The following CDH5 variants were observed in gnomAD, a reference collection of about 807,000 sequenced individuals.
CDH5 encodes cadherin-5.
Under a neutral mutation model 62.0 loss-of-function variants are expected in CDH5, and 28 were observed. That is an observed-to-expected ratio of 0.45 (90% CI 0.33 to 0.62). The LOEUF is 0.62. CDH5 is among the 20% of genes least tolerant of loss of function. The pLI, the probability that CDH5 is intolerant of heterozygous loss-of-function variation, is 0.02. For missense variants in CDH5, 940 were observed against 1,065.1 expected (o/e 0.88, Z 1.63); for synonymous variants, 464 against 445.8 (o/e 1.04, Z -0.52).
chr16:66,390,354 T>C (rs374313468), intron 5 of CDH5, 49 bp from the exon 6 acceptor site: 23 of 1,442,986 alleles, frequency 1.6e-5, no homozygotes, highest in Non-Finnish European at 2.2e-5. Flanking sequence ...GCAATCGCCT[T>C]GTCTATCTCA....
At chr16:66,368,755 G>A (rs1960632757) in intron 1 of CDH5, among the ~76,000 whole-genome samples, 1 of 152,206 alleles carries the variant, frequency 6.6e-6, no homozygotes, top group Non-Finnish European at 1.5e-5. Context: ...GAAGCAGGGT[G>A]AGTGCGGTTC....
chr16:66,390,287 T>A, intron 5 of CDH5, 116 bp from the exon 6 acceptor site: 1 of 753,368 alleles, frequency 1.3e-6, no homozygotes, highest in Non-Finnish European at 2.1e-6. Context: ...TTATTATTTA[T>A]GATTATTTTA....
chr16:66,390,388 C>A lies in CDH5; in HGVS notation c.782-15C>A. The A allele has an allele frequency of 1.9e-6, 3 of 1,602,650 alleles. No homozygotes were observed. The highest frequency in any genetic ancestry group is 2.6e-6 in the Non-Finnish European group (3 of 1,172,160). ...CATTAACCCAAAGCCCTTTGGGGTGCTCTGTTTGCATCAGCCAAGTACACA... is the reference window on the plus strand; with the variant it reads ...CATTAACCCAAAGCCCTTTGGGGTGATCTGTTTGCATCAGCCAAGTACACA... On this transcript the variant is annotated splice_polypyrimidine_tract_variant and intron_variant, in intron 5 of 11. Coordinates refer to ENST00000341529, the MANE Select transcript of CDH5 (RefSeq NM_001795.5).
In CDH5 at chr16:66,402,678, C is replaced by A; in HGVS notation, c.1864C>A (p.Arg622=). The change falls in exon 12 of 12, where the codon CGG becomes AGG. Residue 622 remains arginine (R), a synonymous_variant. Coordinates refer to ENST00000341529, the MANE Select transcript of CDH5 (RefSeq NM_001795.5). Reference sequence around the variant, plus strand: ...GATCACCCTGCTCATCTTCCTGCGGCGGCGGCTCCGGAAGCAGGCCCGCGC... The same window carrying A: ...GATCACCCTGCTCATCTTCCTGCGGAGGCGGCTCCGGAAGCAGGCCCGCGC... The part of the protein sequence containing the change: ...TVITLLIFLR[R]RLRKQARAHG... The A allele has an allele frequency of 6.2e-7, 1 of 1,602,438 alleles. No individual in the cohort carries two copies. Among genetic ancestry groups the A allele is most frequent in the South Asian group, 1.1e-5 (1 of 89,614 alleles).
intron 1 of CDH5, among the ~76,000 whole-genome samples, chr16:66,373,030 C>T (rs550932336): frequency 3.9e-5 from 6 of 152,084 alleles, no homozygotes; most frequent in Admixed American, 2.0e-4. Context: ...AGTTGCCAAG[C>T]GTGGCCCCTC....
chr16:66,400,033 G>A (rs890351957), intron 10 of CDH5, among the ~76,000 whole-genome samples: 4 of 152,170 alleles, frequency 2.6e-5, no homozygotes, highest in Non-Finnish European at 5.9e-5. Context: ...AACCTCCTGG[G>A]ACCCTGCAAA....
At chr16:66,379,652 G>A in intron 2 of CDH5, 105 bp downstream of exon 2, 2 of 966,190 alleles carry the variant, frequency 2.1e-6, no homozygotes, top group Non-Finnish European at 3.2e-6. Context: ...AGATATTGTG[G>A]TGGTTGTAGG....
intron 1 of CDH5, among the ~76,000 whole-genome samples, chr16:66,378,591 C>T (rs1327472136): frequency 3.9e-5 from 6 of 152,204 alleles, no homozygotes; most frequent in African/African-American, 1.4e-4. Context: ...GCCTCAGTTT[C>T]CTCATTTGAA....
At chr16:66,384,317 C>T (rs1000278513) in intron 2 of CDH5, among the ~76,000 whole-genome samples, 1 of 150,888 alleles carries the variant, frequency 6.6e-6, no homozygotes, top group East Asian at 2.0e-4. Context: ...TGGTCTCAAA[C>T]TTCTGACCTC....
chr16:66,395,016 A>ATCTT (rs1567467149), intron 7 of CDH5, among the ~76,000 whole-genome samples: 9 of 19,950 alleles, frequency 4.5e-4, no homozygotes, highest in Non-Finnish European at 8.4e-4. Context: ...CACCAGGCTA[A>ATCTT]TCTTTTTTTT....
At chr16:66,368,883 G>A (rs1960635086) in intron 1 of CDH5, among the ~76,000 whole-genome samples, 1 of 152,218 alleles carries the variant, frequency 6.6e-6, no homozygotes, top group Admixed American at 6.5e-5. Context: ...GATACCAGGG[G>A]AAGGAATGTT....
intron 11 of CDH5, 53 bp downstream of exon 11, chr16:66,401,069 G>A (rs1961274177): frequency 6.2e-7 from 1 of 1,610,232 alleles, no homozygotes; most frequent in Non-Finnish European, 8.5e-7. Flanking sequence ...GGGGATGGAA[G>A]GTGTTGGGAG....
intron 10 of CDH5, 79 bp downstream of exon 10, chr16:66,398,640 G>A: frequency 1.3e-6 from 1 of 758,240 alleles, no homozygotes; most frequent in Non-Finnish European, 2.3e-6. Flanking sequence ...GCTGAGGCAG[G>A]AAGATCGCTT....
intron 1 of CDH5, among the ~76,000 whole-genome samples, chr16:66,371,673 T>G (rs1372621014): frequency 6.6e-6 from 1 of 152,122 alleles, no homozygotes; most frequent in Non-Finnish European, 1.5e-5. Context: ...CTCCAGCCTA[T>G]TGAAAACCCC....
At chr16:66,385,136 T>C (rs542416735) in intron 2 of CDH5, among the ~76,000 whole-genome samples, 54 of 152,296 alleles carry the variant, frequency 3.5e-4, no homozygotes, top group African/African-American at 1.3e-3. Flanking sequence ...GAATTCTATT[T>C]TGGGGACATA....
At chr16:66,393,603 G>A (rs373989644) in intron 7 of CDH5, among the ~76,000 whole-genome samples, 1 of 152,104 alleles carries the variant, frequency 6.6e-6, no homozygotes, top group Non-Finnish European at 1.5e-5. Flanking sequence ...TCCCACCAGG[G>A]CCCACCTCCA....
Position 66,387,061 on chromosome 16 carries a change from T to C in CDH5, c.463T>C (p.Leu155=). 1.2e-6 allele frequency: 2 copies of C among 1,614,052 alleles called. No homozygotes were observed. Among genetic ancestry groups the C allele is most frequent in the Middle Eastern group, 1.7e-4 (1 of 6,044 alleles). The change falls in exon 3 of 12, where the codon TTG becomes CTG. Residue 155 remains leucine (L), a synonymous_variant. Coordinates refer to ENST00000341529, the MANE Select transcript of CDH5 (RefSeq NM_001795.5). ...NDNWPVFTHR[L]FNASVPESSA... is the part of the protein sequence containing the mutation. ...CAACTGGCCTGTGTTCACGCATCGG[T>C]TGTTCAATGCGTCCGTGCCTGAGTC...
intron 2 of CDH5, among the ~76,000 whole-genome samples, chr16:66,386,209 GGC>G (rs1424719378): frequency 6.6e-6 from 1 of 151,808 alleles, no homozygotes; most frequent in Admixed American, 6.6e-5. Context: ...GGCATGCTGG[GGC>G]TCTGCCAGGC....
chr16:66,392,453 G>A lies in CDH5; in HGVS notation c.1217+70G>A, dbSNP rs1961105904. 2.5e-6 allele frequency: 4 copies of A among 1,587,262 alleles called. No homozygotes were observed. In the East Asian group the frequency reaches 9.0e-5, roughly 36 times the overall value. ...TGGATGTTCCTATGCCTGCTGGTCT[G>A]AGGCCAGGACTCAGAGAGGGGAACT... On this transcript the variant is annotated intron_variant, in intron 7 of 11. Transcript: ENST00000341529.
Sources: gnomAD v4.1 joint callset for allele counts (sites outside exome capture counted in the v4.1 genomes callset) on GRCh38, gnomAD v4.1.1 for gene constraint, MANE v1.5 for transcripts, NCBI Gene and HGNC (gene_info 2026-07-23, HGNC 2026-07-21) for gene names.